SYNPR: variants seen among roughly 807,000 people sequenced by gnomAD.
SYNPR encodes the protein synaptoporin.
Under a neutral mutation model 32.9 loss-of-function variants are expected in SYNPR, and 23 were observed. The ratio of observed to expected loss-of-function variants is 0.70; its 90% CI spans 0.50 to 0.99. The LOEUF is 0.99. Among genes scored for constraint, SYNPR ranks in the 50% least tolerant of loss-of-function variants. The pLI is 0.00. For missense variants in SYNPR, 318 were observed against 349.3 expected (o/e 0.91, Z 0.71); for synonymous variants, 146 against 135.9 (o/e 1.07, Z -0.52).
At chr3:63,479,363 A>G (rs189928039) in intron 2 of SYNPR, among the ~76,000 whole-genome samples, 1 of 152,084 alleles carries the variant, frequency 6.6e-6, no homozygotes, top group East Asian at 1.9e-4. Flanking sequence ...CTCTTACTAC[A>G]ATCCTTATAT....
intron 3 of SYNPR, among the ~76,000 whole-genome samples, chr3:63,534,605 A>G (rs751343679): frequency 2.6e-5 from 4 of 152,204 alleles, no homozygotes; most frequent in Non-Finnish European, 5.9e-5. Flanking sequence ...TTGCTATAAC[A>G]GAATAGCCGA....
chr3:63,520,603 G>A (rs996626133), intron 3 of SYNPR, among the ~76,000 whole-genome samples: 11 of 152,116 alleles, frequency 7.2e-5, no homozygotes, highest in Middle Eastern at 3.4e-3. Flanking sequence ...AACCCAGGAG[G>A]CGGAGGTTGC....
At chr3:63,585,456 C>CCA (rs1553649473) in intron 4 of SYNPR, among the ~76,000 whole-genome samples, 37,428 of 104,658 alleles carry the variant, frequency 0.36, 4,938 homozygotes, top group African/African-American at 0.42. Context: ...CATGCCCCCC[C>CCA]CCTCCGCCCC....
At chr3:63,203,102 T>TATATATATATATATATATATATA in the SYNPR span, 1 of 92,432 alleles carries the variant, frequency 1.1e-5, no homozygotes, top group Non-Finnish European at 2.1e-5. Flanking sequence ...ATATATATAT[T>TATATATATATATATATATATATA]TGCCACGTTT....
intron 3 of SYNPR, among the ~76,000 whole-genome samples, chr3:63,498,432 C>A: frequency 6.6e-6 from 1 of 152,046 alleles, no homozygotes; most frequent in East Asian, 1.9e-4. Flanking sequence ...AATAAACAAG[C>A]AAACGAGCAA....
At chr3:63,578,160 C>A (rs1015567622) in intron 4 of SYNPR, among the ~76,000 whole-genome samples, 2 of 152,174 alleles carry the variant, frequency 1.3e-5, no homozygotes, top group Non-Finnish European at 2.9e-5. Context: ...ATCACCACCT[C>A]CTGTCTTCCC....
At chr3:63,250,498 C>CTT (rs919927669) in intron 1 of SYNPR, among the ~76,000 whole-genome samples, 3 of 152,048 alleles carry the variant, frequency 2.0e-5, no homozygotes, top group African/African-American at 7.2e-5. Flanking sequence ...CCTCACACAA[C>CTT]TTTTTGGGAG....
At chr3:63,340,046 C>T (rs565135173) in intron 2 of SYNPR, among the ~76,000 whole-genome samples, 6 of 152,280 alleles carry the variant, frequency 3.9e-5, no homozygotes, top group South Asian at 2.1e-4. Flanking sequence ...TATGATTTTG[C>T]CATTGCAAGA....
At chr3:63,479,457 T>TAC (rs1223820320) in intron 2 of SYNPR, among the ~76,000 whole-genome samples, 8 of 150,976 alleles carry the variant, frequency 5.3e-5, no homozygotes, top group Admixed American at 1.3e-4. Flanking sequence ...CACACACACA[T>TAC]ACACACACAC....
chr3:63,530,167 GAA>G, intron 3 of SYNPR, among the ~76,000 whole-genome samples: 1 of 151,130 alleles, frequency 6.6e-6, no homozygotes, highest in Middle Eastern at 3.4e-3. Context: ...AAAGGAAGGG[GAA>G]AAAAAAACTC....
chr3:63,454,821 G>GT (rs1700450569), intron 2 of SYNPR, among the ~76,000 whole-genome samples: 1 of 152,028 alleles, frequency 6.6e-6, no homozygotes, highest in Non-Finnish European at 1.5e-5. Flanking sequence ...GTTATTGTAG[G>GT]TTTAAACTAT....
At chr3:63,467,277 T>G (rs148624630) in intron 2 of SYNPR, among the ~76,000 whole-genome samples, 123 of 152,330 alleles carry the variant, frequency 8.1e-4, no homozygotes, top group Middle Eastern at 6.8e-3. Flanking sequence ...ATGTCTTCTC[T>G]TCTACACTTT....
chr3:63,332,884 G>A (rs1041922406), intron 2 of SYNPR, among the ~76,000 whole-genome samples: 1 of 152,124 alleles, frequency 6.6e-6, no homozygotes, highest in African/African-American at 2.4e-5. Flanking sequence ...TGGTCCCTTG[G>A]TTTGGAGGCT....
intron 3 of SYNPR, among the ~76,000 whole-genome samples, chr3:63,532,910 T>C (rs191119825): frequency 1.3e-5 from 2 of 152,362 alleles, no homozygotes; most frequent in Admixed American, 1.3e-4. Flanking sequence ...TTCCTGGAGA[T>C]AATTGGTCAC....
At chr3:63,280,582 G>A (rs971794658) in intron 2 of SYNPR, among the ~76,000 whole-genome samples, 3 of 150,930 alleles carry the variant, frequency 2.0e-5, no homozygotes, top group African/African-American at 2.4e-5. Context: ...GACTTTTCTC[G>A]TATTTATTCC....
intron 4 of SYNPR, among the ~76,000 whole-genome samples, chr3:63,606,714 A>C (rs1700128521): frequency 6.6e-6 from 1 of 151,880 alleles, no homozygotes; most frequent in Admixed American, 6.6e-5. Context: ...TATAGTCAAA[A>C]CCAACTTAAA....
intron 2 of SYNPR, among the ~76,000 whole-genome samples, chr3:63,388,611 G>A (rs1004283708): frequency 2.9e-5 from 4 of 138,788 alleles, no homozygotes; most frequent in South Asian, 4.6e-4. Context: ...TAGTAGAGAC[G>A]GGGTTTCACC....
chr3:63,254,358 C>G (rs371043580), intron 2 of SYNPR, among the ~76,000 whole-genome samples: 2 of 151,994 alleles, frequency 1.3e-5, no homozygotes, highest in Non-Finnish European at 2.9e-5. Flanking sequence ...TACTTTAAAT[C>G]AGCACTTTTA....
chr3:63,363,998 C>G (rs777834632), intron 2 of SYNPR, among the ~76,000 whole-genome samples: 1 of 152,162 alleles, frequency 6.6e-6, no homozygotes, highest in Non-Finnish European at 1.5e-5. Context: ...CTACCCCTGA[C>G]GATGCAGATC....
Sources: allele counts gnomAD v4.1 joint callset (sites outside exome capture counted in the v4.1 genomes callset), GRCh38; gene constraint gnomAD v4.1.1; transcripts MANE v1.5; gene names NCBI Gene and HGNC (gene_info 2026-07-23, HGNC 2026-07-21).